GRIN3A: variants seen among roughly 807,000 people sequenced by gnomAD.
GRIN3A encodes glutamate receptor ionotropic, NMDA 3A.
In GRIN3A, 47 loss-of-function variants were observed where a neutral mutation model predicts 92.4. The observed-to-expected ratio is 0.51, with a 90% confidence interval of 0.40 to 0.65. The LOEUF (loss-of-function observed/expected upper bound fraction) is 0.65. GRIN3A is among the 30% of genes least tolerant of loss of function. The probability of loss-of-function intolerance (pLI) is 0.00; values close to 1 mark genes in which losing one functional copy is unlikely to be tolerated. For synonymous variants in GRIN3A, 527 were observed against 540.6 expected, an observed-to-expected ratio of 0.97 and a Z score of 0.35; for missense variants, 1,324 against 1,393.1, an observed-to-expected ratio of 0.95 and a Z score of 0.79.
At chr9:101,615,386 C>CTT (rs547717146) in intron 5 of GRIN3A, among the ~76,000 whole-genome samples, 1,374 of 124,218 alleles carry the variant, frequency 0.011, 30 homozygotes, top group African/African-American at 0.027. Flanking sequence ...ATTTTTGTTC[C>CTT]TTTTTTTTTT....
At chr9:101,586,243 G>T (rs997500727) in intron 6 of GRIN3A, among the ~76,000 whole-genome samples, 18 of 151,920 alleles carry the variant, frequency 1.2e-4, no homozygotes, top group African/African-American at 3.4e-4. Flanking sequence ...GTGTTTATTT[G>T]TTTATTGCCT....
Position 101,685,287 on chromosome 9 carries a change from C to T in GRIN3A, c.1304+1309G>A, listed in dbSNP as rs1422246082. Among the ~76,000 whole-genome samples the T allele has an allele frequency of 2.0e-5, 3 of 150,790 alleles. No homozygotes were observed. In the East Asian group the frequency reaches 5.8e-4, roughly 29 times the overall value. ...AAAATTAAATGTACAACTATTTGCA[C>T]CCCTTGACCTTTTATCATGTCTTTT... On this transcript the variant is annotated intron_variant, in intron 2 of 8. Transcript: ENST00000361820.
chr9:101,716,852 A>T (rs376208252), intron 1 of GRIN3A, among the ~76,000 whole-genome samples: 26 of 152,330 alleles, frequency 1.7e-4, no homozygotes, highest in African/African-American at 6.3e-4. Context: ...GGATTTTTAC[A>T]TTAAAAAAAT....
At chr9:101,672,281 T>A (rs925481891) in intron 2 of GRIN3A, among the ~76,000 whole-genome samples, 3 of 152,212 alleles carry the variant, frequency 2.0e-5, no homozygotes, top group Non-Finnish European at 4.4e-5. Context: ...GTAAAGCACA[T>A]GCTACATCTA....
intron 6 of GRIN3A, among the ~76,000 whole-genome samples, chr9:101,595,836 A>G (rs1040478216): frequency 1.3e-5 from 2 of 152,138 alleles, no homozygotes; most frequent in African/African-American, 4.8e-5. Flanking sequence ...TCTGCAGAAT[A>G]CCTTGGGGGA....
intron 1 of GRIN3A, among the ~76,000 whole-genome samples, chr9:101,730,543 A>C (rs1003968008): frequency 6.6e-6 from 1 of 152,208 alleles, no homozygotes; most frequent in African/African-American, 2.4e-5. Flanking sequence ...GGATGTCTAA[A>C]AAGTTGTACA....
intron 6 of GRIN3A, among the ~76,000 whole-genome samples, chr9:101,612,559 G>A (rs1828380830): frequency 1.3e-5 from 2 of 152,154 alleles, no homozygotes; most frequent in South Asian, 4.1e-4. Context: ...GGCAAATAGA[G>A]ACTACTTGAA....
chr9:101,702,634 AGATATC>A (rs929353790), intron 1 of GRIN3A, among the ~76,000 whole-genome samples: 1 of 152,176 alleles, frequency 6.6e-6, no homozygotes, highest in Admixed American at 6.5e-5. Flanking sequence ...CACTAAATTT[AGATATC>A]ATCTATACCC....
intron 6 of GRIN3A, among the ~76,000 whole-genome samples, chr9:101,611,111 A>C (rs1828362299): frequency 6.6e-6 from 1 of 151,644 alleles, no homozygotes; most frequent in African/African-American, 2.4e-5. Context: ...AAAAAAAAAA[A>C]AACCAACCAA....
chr9:101,667,977 C>T (rs2224766), intron 3 of GRIN3A, among the ~76,000 whole-genome samples: 50,816 of 151,732 alleles, frequency 0.33, 9,426 homozygotes, highest in Non-Finnish European at 0.42. Context: ...ATTTATTATC[C>T]CAAATTGAAA....
At chr9:101,727,002 AG>A (rs1830088565) in intron 1 of GRIN3A, among the ~76,000 whole-genome samples, 1 of 152,178 alleles carries the variant, frequency 6.6e-6, no homozygotes, top group African/African-American at 2.4e-5. Flanking sequence ...ATGAAAGGAC[AG>A]GGGAAAAAAA....
At chr9:101,630,070 G>C (rs1193469036) in intron 3 of GRIN3A, among the ~76,000 whole-genome samples, 1 of 152,142 alleles carries the variant, frequency 6.6e-6, no homozygotes, top group Non-Finnish European at 1.5e-5. Flanking sequence ...CTTGCGCAAG[G>C]CACATTTATC....
Position 101,670,533 on chromosome 9 carries a change from T to C in GRIN3A, c.1879A>G (p.Met627Val). Residue 627 changes from methionine (M) to valine (V), a missense_variant, in exon 3 of 9, where the codon ATG becomes GTG. Physicochemically the swap from Met to Val is conservative, Grantham distance 21. Coordinates refer to ENST00000361820, the MANE Select transcript of GRIN3A (RefSeq NM_133445.3). Reference protein sequence around the residue: ...VGDLLRGTAHMAVTSFSINTA... With the variant: ...VGDLLRGTAHVAVTSFSINTA... ...TTGATGCTAAAGGAAGTGACTGCCATGTGGGCAGTCCCTCTCAGGAGATCA... is the reference window on the plus strand; with the variant it reads ...TTGATGCTAAAGGAAGTGACTGCCACGTGGGCAGTCCCTCTCAGGAGATCA... The C allele has an allele frequency of 6.2e-7, 1 of 1,613,798 alleles. No homozygotes were observed. The highest frequency in any genetic ancestry group is 8.5e-7 in the Non-Finnish European group (1 of 1,179,722).
intron 3 of GRIN3A, among the ~76,000 whole-genome samples, chr9:101,669,826 G>A (rs1448289589): frequency 6.6e-6 from 1 of 152,022 alleles, no homozygotes; most frequent in Non-Finnish European, 1.5e-5. Context: ...CTATCAGAAA[G>A]ACCTACTCTA....
chr9:101,724,070 G>A (rs576508086), intron 1 of GRIN3A, among the ~76,000 whole-genome samples: 26 of 152,314 alleles, frequency 1.7e-4, no homozygotes, highest in African/African-American at 4.6e-4. Flanking sequence ...ATCCTGCACC[G>A]GGGCTGCAGG....
chr9:101,712,552 A>G (rs530411086), intron 1 of GRIN3A, among the ~76,000 whole-genome samples: 1 of 152,330 alleles, frequency 6.6e-6, no homozygotes, highest in East Asian at 1.9e-4. Context: ...AATTACAGTG[A>G]TGGATCACCA....
At chr9:101,723,713 A>G (rs1442681105) in intron 1 of GRIN3A, among the ~76,000 whole-genome samples, 1 of 152,132 alleles carries the variant, frequency 6.6e-6, no homozygotes, top group Non-Finnish European at 1.5e-5. Context: ...AGCTAGATAC[A>G]GAGTGTGGAC....
At chr9:101,644,635 T>C (rs1828912613) in intron 3 of GRIN3A, among the ~76,000 whole-genome samples, 1 of 151,994 alleles carries the variant, frequency 6.6e-6, no homozygotes, top group African/African-American at 2.4e-5. Flanking sequence ...TACTCATTTA[T>C]TTAATCCGAC....
At chr9:101,611,609 T>C (rs1475675853) in intron 6 of GRIN3A, among the ~76,000 whole-genome samples, 2 of 152,224 alleles carry the variant, frequency 1.3e-5, no homozygotes, top group African/African-American at 4.8e-5. Context: ...TCTCTAATTG[T>C]TTATTCCACA....
Sources: gnomAD v4.1 joint callset for allele counts (sites outside exome capture counted in the v4.1 genomes callset) on GRCh38, gnomAD v4.1.1 for gene constraint, MANE v1.5 for transcripts, NCBI Gene and HGNC (gene_info 2026-07-23, HGNC 2026-07-21) for gene names.